RAB8A: variants seen among roughly 807,000 people sequenced by gnomAD.
RAB8A encodes ras-related protein Rab-8A.
Under a neutral mutation model 29.2 loss-of-function variants are expected in RAB8A, and 5 were observed. The ratio of observed to expected loss-of-function variants is 0.17; its 90% confidence interval spans 0.09 to 0.36. The LOEUF is 0.36. Among genes scored for constraint, RAB8A ranks in the 10% least tolerant of loss-of-function variants. The pLI, the probability that RAB8A is intolerant of heterozygous loss-of-function variation, is 1.00. For missense variants in RAB8A, 171 were observed against 272.2 expected (o/e 0.63, Z 2.62); for synonymous variants, 108 against 99.9 (o/e 1.08, Z -0.49).
In RAB8A at chr19:16,132,287, C is replaced by T. The variant is rs2090928721; in HGVS notation, c.607C>T (p.Arg203Ter). 6.2e-7 allele frequency: 1 copy of T among 1,613,854 alleles called. No individual in the cohort carries two copies. The highest frequency in any genetic ancestry group is 1.3e-5 in the African/African-American group (1 of 74,880). The change falls in exon 8 of 8, where the codon CGA (arginine) becomes TGA (stop). Residue 203 changes from arginine (R) to a stop codon, truncating the protein, a stop_gained. Transcript: ENST00000300935. LOFTEE classifies it high-confidence loss of function. This position sits in a 1 kb window ranked among gnomAD's most constrained non-coding sequence, Gnocchi z 5.6. ...CCAGCAGAAGAGGAGCAGCTTTTTC[C>T]GATGTGTTCTTCTGTGAGGAACACC... ...PDQQKRSSFF[R>*]CVLL
At chr19:16,112,223 T>C in intron 1 of RAB8A, 198 bp downstream of exon 1, 1 of 685,148 alleles carries the variant, frequency 1.5e-6, no homozygotes, top group Non-Finnish European at 2.4e-6. Context: ...CAGGTGCCCA[T>C]TTTGCAGATA....
In RAB8A at chr19:16,130,314, T is replaced by C. The variant is rs1225745472; in HGVS notation, c.531+710T>C. Among the ~76,000 whole-genome samples the C allele has an allele frequency of 2.0e-5, 3 of 152,102 alleles. No individual in the cohort carries two copies. The South Asian group carries it at 6.2e-4, about 31-fold the overall frequency. On this transcript the variant is annotated intron_variant, in intron 7 of 7. Coordinates refer to ENST00000300935, the MANE Select transcript of RAB8A (RefSeq NM_005370.5). Reference sequence around the variant, plus strand: ...TCGCCCTGGTTCCAGCAACTGCCCTTTCCCGGCCATGTTACATTGGTTGTC... The same window carrying C: ...TCGCCCTGGTTCCAGCAACTGCCCTCTCCCGGCCATGTTACATTGGTTGTC...
At chr19:16,129,814 AAGGCCGTGCCCGGTGAATCCCC>A (rs2090917504) in intron 7 of RAB8A, among the ~76,000 whole-genome samples, 1 of 152,210 alleles carries the variant, frequency 6.6e-6, no homozygotes, top group South Asian at 2.1e-4. Flanking sequence ...CCAAGCAGAC[AAGGCCGTGCCCGGTGAATCCCC>A]AGGCTAGCAG....
intron 1 of RAB8A, among the ~76,000 whole-genome samples, chr19:16,114,271 AAATAAT>A (rs1252247482): frequency 6.6e-6 from 1 of 152,056 alleles, no homozygotes; most frequent in Non-Finnish European, 1.5e-5. Flanking sequence ...CTGTCTTAAA[AAATAAT>A]AATAAAAATA....
In RAB8A at chr19:16,127,911, C is replaced by A; in HGVS notation, c.415-115C>A. ...GATCCAGGAAGTCACGCCCACAGCC[C>A]CAGCCCTGTTGCTGCTCCCTCTTGG... On this transcript the variant is annotated intron_variant, in intron 5 of 7. Transcript: ENST00000300935. The surrounding 1 kb of genome is among the most constrained non-coding windows in gnomAD (Gnocchi z 4.8). The A allele has an allele frequency of 9.5e-7, 1 of 1,050,558 alleles. No individual in the cohort carries two copies. 65.1% of individuals were successfully genotyped at this position (1,050,558 alleles called of 1,614,324 possible). A position where few individuals can be genotyped will look rare whatever the true frequency, so the allele number is the denominator to read the frequency against.
rs1292554276 is a variant in RAB8A at position 16,133,570 on chromosome 19, GCT to G, written c.*1269_*1270del. The G allele has an allele frequency of 3.3e-5, 5 of 151,554 alleles. No individual in the cohort carries two copies. Among genetic ancestry groups the G allele is most frequent in the Admixed American group, 6.6e-5 (1 of 15,102 alleles). The allele number at this position is 151,554 out of a possible 1,614,324, so 9.4% of individuals were successfully genotyped here. On this transcript the variant is annotated 3_prime_UTR_variant, in exon 8 of 8. Transcript: ENST00000300935. ...TGCTCTCCCCGGGAATCTCTAACATGCTCTGTTTACATCGATAAATGCACTTA... is the reference window on the plus strand; with the variant it reads ...TGCTCTCCCCGGGAATCTCTAACATGCTGTTTACATCGATAAATGCACTTA...
At position 16,128,676 on chromosome 19, in the gene RAB8A, C is replaced by T. The variant is rs149184557; in HGVS notation, c.480+585C>T. Among the ~76,000 whole-genome samples, 132 of 152,326 alleles carry T rather than the reference C, an allele frequency of 8.7e-4. 1 individual carries two copies. In the South Asian group the frequency reaches 0.01, roughly 12 times the overall value. ...CCTGGCGTGGAAGGCCCTCCCTCACCGGCTACAGCTGGTGTTTGCCACCCA... is the reference window on the plus strand; with the variant it reads ...CCTGGCGTGGAAGGCCCTCCCTCACTGGCTACAGCTGGTGTTTGCCACCCA... On this transcript the variant is annotated intron_variant, in intron 6 of 7. Coordinates refer to ENST00000300935, the MANE Select transcript of RAB8A (RefSeq NM_005370.5).
intron 7 of RAB8A, among the ~76,000 whole-genome samples, chr19:16,130,167 C>T (rs1367984063): frequency 2.0e-5 from 3 of 149,306 alleles, no homozygotes; most frequent in African/African-American, 4.9e-5. Flanking sequence ...TTTTTTTTTA[C>T]CACGTTAGCG....
In RAB8A at chr19:16,133,601, AAAAC is replaced by A. The variant is rs1255854099; in HGVS notation, c.*1305_*1308del. ...TTTACATCGATAAATGCACTTAAGGAAAACAAACAAATTAAAGCTCATCTTAAAG... is the reference window on the plus strand; with the variant it reads ...TTTACATCGATAAATGCACTTAAGGAAAACAAATTAAAGCTCATCTTAAAG... On this transcript the variant is annotated 3_prime_UTR_variant, in exon 8 of 8. Transcript: ENST00000300935. 2 of 152,606 alleles carry A rather than the reference AAAAC, an allele frequency of 1.3e-5. No individual in the cohort carries two copies. The highest frequency in any genetic ancestry group is 1.9e-4 in the East Asian group (1 of 5,190). The allele number at this position is 152,606 out of a possible 1,614,324, so 9.5% of individuals were successfully genotyped here.
In RAB8A at chr19:16,132,163, G is replaced by T; in HGVS notation, c.532-49G>T. 1 of 1,396,240 alleles carries T rather than the reference G, an allele frequency of 7.2e-7. No homozygotes were observed. The highest frequency in any genetic ancestry group is 1.0e-6 in the Non-Finnish European group (1 of 982,076). 86.5% of individuals were successfully genotyped at this position (1,396,240 alleles called of 1,614,324 possible). A position where few individuals can be genotyped will look rare whatever the true frequency, so the allele number is the denominator to read the frequency against. On this transcript the variant is annotated intron_variant, in intron 7 of 7. Transcript: ENST00000300935. The surrounding 1 kb of genome is among the most constrained non-coding windows in gnomAD (Gnocchi z 5.6). ...GTGGATGGCTGGTTGATTGTGAGAC[G>T]TAGTGCTGATTCTCAGTGATAACCT... is the stretch of plus-strand genomic sequence containing the variant.
At position 16,127,708 on chromosome 19, in the gene RAB8A, A is replaced by G; in HGVS notation, c.414+182A>G. 1 of 607,600 alleles carries G rather than the reference A, an allele frequency of 1.6e-6. No homozygotes were observed. The highest frequency in any genetic ancestry group is 2.8e-5 in the East Asian group (1 of 36,232). The allele number at this position is 607,600 out of a possible 1,614,324, so 37.6% of individuals were successfully genotyped here. ...GGCTTCTTGGGTGCACTCTGCGGGC[A>G]TCTCATCAAAACCTACCATGGCCCC... On this transcript the variant is annotated intron_variant, in intron 5 of 7. Coordinates refer to ENST00000300935, the MANE Select transcript of RAB8A (RefSeq NM_005370.5). This position sits in a 1 kb window ranked among gnomAD's most constrained non-coding sequence, Gnocchi z 4.8.
chr19:16,119,933 C>A (rs1468120031), intron 2 of RAB8A, among the ~76,000 whole-genome samples: 4 of 152,052 alleles, frequency 2.6e-5, no homozygotes, highest in Non-Finnish European at 5.9e-5. Flanking sequence ...TCTGCCTCGG[C>A]CTCCCAAGTA....
In RAB8A at chr19:16,127,845, G is replaced by C. The variant is rs2090908505; in HGVS notation, c.415-181G>C. ...CATCCCCAGCAACTCCATGCCCTGT[G>C]AGGCCCTGTGGAGGGGCATTCACTA... is the stretch of plus-strand genomic sequence containing the variant. On this transcript the variant is annotated intron_variant, in intron 5 of 7. Coordinates refer to ENST00000300935, the MANE Select transcript of RAB8A (RefSeq NM_005370.5). This position sits in a 1 kb window ranked among gnomAD's most constrained non-coding sequence, Gnocchi z 4.8. The C allele has an allele frequency of 3.0e-6, 2 of 675,532 alleles. No individual in the cohort carries two copies. Among genetic ancestry groups the C allele is most frequent in the Non-Finnish European group, 5.3e-6 (2 of 379,152 alleles). The allele number at this position is 675,532 out of a possible 1,614,324, so 41.8% of individuals were successfully genotyped here.
chr19:16,127,667 G>A lies in RAB8A; in HGVS notation c.414+141G>A. ...GGGCACGTGCCATGGGATGACAGAA[G>A]CACACACCCAGCCGGGGCTTCTTGG... is the stretch of plus-strand genomic sequence containing the variant. On this transcript the variant is annotated intron_variant, in intron 5 of 7. Coordinates refer to ENST00000300935, the MANE Select transcript of RAB8A (RefSeq NM_005370.5). The surrounding 1 kb of genome is among the most constrained non-coding windows in gnomAD (Gnocchi z 4.8). 1 of 675,480 alleles carries A rather than the reference G, an allele frequency of 1.5e-6. No homozygotes were observed. Among genetic ancestry groups the A allele is most frequent in the Non-Finnish European group, 2.4e-6 (1 of 409,070 alleles). The allele number at this position is 675,480 out of a possible 1,614,324, so 41.8% of individuals were successfully genotyped here. A position where few individuals can be genotyped will look rare whatever the true frequency, so the allele number is the denominator to read the frequency against.
At chr19:16,128,514 C>T (rs1203223588) in intron 6 of RAB8A, among the ~76,000 whole-genome samples, 1 of 152,192 alleles carries the variant, frequency 6.6e-6, no homozygotes, top group Non-Finnish European at 1.5e-5. Context: ...ACCCTCCCCT[C>T]TCCACGGGGC....
Position 16,132,077 on chromosome 19 carries a change from T to TTTGGTTGG in RAB8A, c.532-114_532-107dup, listed in dbSNP as rs200560717. 1.1e-4 allele frequency: 71 copies of TTTGGTTGG among 674,184 alleles called. No individual in the cohort carries two copies. Among genetic ancestry groups the TTTGGTTGG allele is most frequent in the South Asian group, 2.3e-4 (13 of 56,510 alleles). 41.8% of individuals were successfully genotyped at this position (674,184 alleles called of 1,614,324 possible). A position where few individuals can be genotyped will look rare whatever the true frequency, so the allele number is the denominator to read the frequency against. On this transcript the variant is annotated intron_variant, in intron 7 of 7. Transcript: ENST00000300935. This position sits in a 1 kb window ranked among gnomAD's most constrained non-coding sequence, Gnocchi z 5.6. ...TTGGCTGGTTTGATTGGTTTGGTTGTTTGGTTGGTTGGTTGGTTGGTTGGT... is the reference window on the plus strand; with the variant it reads ...TTGGCTGGTTTGATTGGTTTGGTTGTTTGGTTGGTTGGTTGGTTGGTTGGTTGGTTGGT...
rs2090855462 is a variant in RAB8A at position 16,118,209 on chromosome 19, TTTC to T, written c.125-14_125-12del. The T allele has an allele frequency of 6.2e-7, 1 of 1,603,866 alleles. No individual in the cohort carries two copies. The highest frequency in any genetic ancestry group is 1.1e-5 in the South Asian group (1 of 91,042). ...AATGGGCTGACAGTGACGTGCCTTT[TTTC>T]TTTTTTCTTTCAGGAATTGACTTTA... On this transcript the variant is annotated splice_polypyrimidine_tract_variant and intron_variant, in intron 1 of 7. Coordinates refer to ENST00000300935, the MANE Select transcript of RAB8A (RefSeq NM_005370.5).
chr19:16,121,929 G>A, intron 3 of RAB8A, 119 bp downstream of exon 3: 4 of 971,136 alleles, frequency 4.1e-6, no homozygotes, highest in Admixed American at 2.1e-5. Flanking sequence ...ACTCCTCAGG[G>A]CTCCTTGGTC....
At chr19:16,130,860 G>C (rs1206047333) in intron 7 of RAB8A, among the ~76,000 whole-genome samples, 2 of 151,722 alleles carry the variant, frequency 1.3e-5, no homozygotes, top group African/African-American at 4.8e-5. Context: ...GTCTCGCTCT[G>C]TTGCCCAGGC....
Sources: allele counts gnomAD v4.1 joint callset (sites outside exome capture counted in the v4.1 genomes callset), GRCh38; gene constraint gnomAD v4.1.1; non-coding constraint Gnocchi (gnomAD v3.1); transcripts MANE v1.5; gene names NCBI Gene and HGNC (gene_info 2026-07-23, HGNC 2026-07-21).